Variants in PDE4D observed in about 807,000 individuals in gnomAD.
PDE4D encodes phosphodiesterase 4D.
In PDE4D, 24 loss-of-function variants were observed where a neutral mutation model predicts 87.4. That is an observed-to-expected ratio of 0.27 (90% CI 0.20 to 0.39). The LOEUF is 0.39. PDE4D is among the 10% of genes least tolerant of loss of function. PDE4D has a pLI of 1.00. For missense variants in PDE4D, 714 were observed against 1,041.0 expected, an observed-to-expected ratio of 0.69 and a Z score of 4.32; for synonymous variants, 384 against 383.2, an observed-to-expected ratio of 1.00 and a Z score of -0.02.
chr5:59,486,071 T>C (rs924553901), intron 1 of PDE4D, among the ~76,000 whole-genome samples: 2 of 152,136 alleles, frequency 1.3e-5, no homozygotes, highest in South Asian at 2.1e-4. Context: ...TTATTATCAC[T>C]ATCATGATAT....
Position 59,706,019 on chromosome 5 carries a change from G to T in PDE4D, c.455+187149C>A, listed in dbSNP as rs78378127. 7.2e-5 allele frequency among the ~76,000 whole-genome samples: 11 copies of T among 152,224 alleles called. No individual in the cohort carries two copies. The East Asian group carries it at 2.1e-3, about 29-fold the overall frequency. On this transcript the variant is annotated intron_variant, in intron 1 of 14. Transcript: ENST00000340635. ...CTGGAGATTAAATTAGGTTTAATATGATTGTTTGGTCCATCTCTAGACTAG... is the reference window on the plus strand; with the variant it reads ...CTGGAGATTAAATTAGGTTTAATATTATTGTTTGGTCCATCTCTAGACTAG...
At chr5:59,157,129 T>A (rs1405059655) in intron 5 of PDE4D, 1 of 490,518 alleles carries the variant, frequency 2.0e-6, no homozygotes, top group Non-Finnish European at 3.6e-6. Flanking sequence ...ATGACATTAA[T>A]ACCCAGGATG....
chr5:59,224,731 C>G (rs753008643), intron 1 of PDE4D, among the ~76,000 whole-genome samples: 1 of 152,086 alleles, frequency 6.6e-6, no homozygotes, highest in Non-Finnish European at 1.5e-5. Context: ...GGATGAGGCC[C>G]TAATCCAATA....
At chr5:59,554,368 G>C (rs1383342904) in intron 1 of PDE4D, among the ~76,000 whole-genome samples, 1 of 151,992 alleles carries the variant, frequency 6.6e-6, no homozygotes, top group Non-Finnish European at 1.5e-5. Context: ...CATTTTTTAG[G>C]GGAGAAAATT....
At chr5:60,215,752 G>T (rs945078583) in intron 1 of PDE4D, among the ~76,000 whole-genome samples, 1 of 152,034 alleles carries the variant, frequency 6.6e-6, no homozygotes, top group Non-Finnish European at 1.5e-5. Flanking sequence ...GAGAGATTTG[G>T]CCCAGCAATC....
chr5:60,460,556 C>T (rs1746844761), intron 1 of PDE4D: 2 of 1,356,468 alleles, frequency 1.5e-6, no homozygotes, highest in Non-Finnish European at 1.1e-6. Flanking sequence ...TCCTCACTGG[C>T]TTCTTCATTA....
chr5:59,510,471 G>C (rs2153668355), intron 1 of PDE4D, among the ~76,000 whole-genome samples: 1 of 151,686 alleles, frequency 6.6e-6, no homozygotes, highest in Non-Finnish European at 1.5e-5. Context: ...GAGGAAAAGA[G>C]AAAACAGCAA....
At chr5:60,101,104 T>A (rs1342795133) in intron 2 of PDE4D, among the ~76,000 whole-genome samples, 2 of 152,048 alleles carry the variant, frequency 1.3e-5, no homozygotes, top group African/African-American at 4.8e-5. Flanking sequence ...ATTGATATGG[T>A]TATTTGTGTG....
At chr5:59,979,354 A>C (rs1386682635) in intron 3 of PDE4D, among the ~76,000 whole-genome samples, 1 of 101,970 alleles carries the variant, frequency 9.8e-6, no homozygotes, top group Non-Finnish European at 2.3e-5. Context: ...TATATTATAA[A>C]TTACATATTT....
intron 5 of PDE4D, among the ~76,000 whole-genome samples, chr5:59,146,748 C>T (rs1326225603): frequency 6.6e-6 from 1 of 151,864 alleles, no homozygotes; most frequent in African/African-American, 2.4e-5. Flanking sequence ...AAAACAATTG[C>T]CTATTGCTTT....
chr5:60,152,111 A>G (rs927617776), intron 2 of PDE4D, among the ~76,000 whole-genome samples: 8 of 152,202 alleles, frequency 5.3e-5, no homozygotes, highest in African/African-American at 1.9e-4. Context: ...TGATCATAGT[A>G]TATCATCCTT....
At chr5:59,959,845 T>G (rs1480600668) in intron 3 of PDE4D, among the ~76,000 whole-genome samples, 1 of 152,070 alleles carries the variant, frequency 6.6e-6, no homozygotes, top group Non-Finnish European at 1.5e-5. Flanking sequence ...AATTGAAAAT[T>G]AGGATCTAAT....
At chr5:60,372,655 G>A (rs910298929) in intron 1 of PDE4D, 1 of 152,086 alleles carries the variant, frequency 6.6e-6, no homozygotes, top group Non-Finnish European at 1.5e-5. Context: ...TCTAAAACCT[G>A]TAATCACTGA....
chr5:58,972,607 T>TTGTC lies in PDE4D; in HGVS notation c.*2053_*2056dup, dbSNP rs1580001585. The TTGTC allele has an allele frequency of 1.3e-5, 2 of 152,160 alleles. No individual in the cohort carries two copies. The highest frequency in any genetic ancestry group is 6.6e-5 in the Admixed American group (1 of 15,264). The allele number at this position is 152,160 out of a possible 1,614,324, so 9.4% of individuals were successfully genotyped here. The stretch of plus-strand genomic sequence containing the variant: ...TCTTCTTAAACGTTTGATTTTCCAC[T>TTGTC]TGTCAGATACCCACTTTGGCTTCTA... On this transcript the variant is annotated 3_prime_UTR_variant, in exon 15 of 15. Coordinates refer to ENST00000340635, the MANE Select transcript of PDE4D (RefSeq NM_001104631.2).
chr5:59,096,967 C>T (rs1208706079), intron 5 of PDE4D, among the ~76,000 whole-genome samples: 1 of 152,158 alleles, frequency 6.6e-6, no homozygotes, highest in East Asian at 1.9e-4. Context: ...TAATCCACAA[C>T]ATCAGATTTT....
chr5:59,158,044 C>T (rs1228385449), intron 5 of PDE4D, among the ~76,000 whole-genome samples: 2 of 152,120 alleles, frequency 1.3e-5, no homozygotes, highest in Non-Finnish European at 2.9e-5. Context: ...TGAATAGTAG[C>T]TTTTATATTG....
At chr5:59,504,900 ATATG>A (rs1417008859) in intron 1 of PDE4D, among the ~76,000 whole-genome samples, 3 of 107,374 alleles carry the variant, frequency 2.8e-5, no homozygotes, top group African/African-American at 1.3e-4. Flanking sequence ...TGGTAGGGGT[ATATG>A]TGTGTGTGTG....
chr5:59,713,994 G>C (rs1315882897), intron 1 of PDE4D, among the ~76,000 whole-genome samples: 1 of 152,198 alleles, frequency 6.6e-6, no homozygotes, highest in East Asian at 1.9e-4. Flanking sequence ...CTGAAGGCCT[G>C]GCATAGGGTT....
At chr5:59,278,655 T>C (rs1313402521) in intron 1 of PDE4D, among the ~76,000 whole-genome samples, 1 of 152,098 alleles carries the variant, frequency 6.6e-6, no homozygotes, top group Non-Finnish European at 1.5e-5. Flanking sequence ...TTTTTCTTAA[T>C]TGACTCACTT....
Sources: allele counts gnomAD v4.1 joint callset (sites outside exome capture counted in the v4.1 genomes callset), GRCh38; gene constraint gnomAD v4.1.1; transcripts MANE v1.5; gene names NCBI Gene and HGNC (gene_info 2026-07-23, HGNC 2026-07-21).